RANBP2: variants seen among roughly 807,000 people sequenced by gnomAD.
RANBP2 encodes RAN binding protein 2.
In RANBP2, 57 loss-of-function variants were observed where a neutral mutation model predicts 303.6. That is an observed-to-expected ratio of 0.19 (90% confidence interval 0.15 to 0.23). The LOEUF (loss-of-function observed/expected upper bound fraction) is 0.23, where lower values mean the gene tolerates loss of function less well. RANBP2 is among the 10% of genes least tolerant of loss of function. The pLI, the probability that RANBP2 is intolerant of heterozygous loss-of-function variation, is 1.00. For synonymous variants in RANBP2, 1,167 were observed against 1,301.5 expected, an observed-to-expected ratio of 0.90 and a Z score of 2.23; for missense variants, 3,138 against 3,780.8, an observed-to-expected ratio of 0.83 and a Z score of 4.46.
At chr2:109,528,500 G>GCCAGTC in the RANBP2 span, among the ~76,000 whole-genome samples, 1 of 152,220 alleles carries the variant, frequency 6.6e-6, no homozygotes, top group Non-Finnish European at 1.5e-5. Context: ...GCCCGCCACA[G>GCCAGTC]CCAGTCCCAG....
chr2:109,479,366 A>G, the RANBP2 span, among the ~76,000 whole-genome samples: 4 of 152,166 alleles, frequency 2.6e-5, no homozygotes, highest in Non-Finnish European at 5.9e-5. Flanking sequence ...TATTTAGAAA[A>G]TACAATTTGC....
the RANBP2 span, among the ~76,000 whole-genome samples, chr2:108,862,575 T>C: frequency 6.6e-6 from 1 of 152,254 alleles, no homozygotes; most frequent in South Asian, 2.1e-4. Context: ...ACAAAGCAAA[T>C]ATGTGAGGTA....
At chr2:108,924,679 G>A in the RANBP2 span, among the ~76,000 whole-genome samples, 65 of 152,214 alleles carry the variant, frequency 4.3e-4, no homozygotes, top group African/African-American at 1.5e-3. Flanking sequence ...GACCATAATT[G>A]CCTGCCCTCC....
chr2:109,090,590 A>G, the RANBP2 span, among the ~76,000 whole-genome samples: 2 of 152,122 alleles, frequency 1.3e-5, no homozygotes, highest in African/African-American at 2.4e-5. Flanking sequence ...AGGATCTAAC[A>G]GGCACGAAGG....
the RANBP2 span, among the ~76,000 whole-genome samples, chr2:109,642,565 C>T: frequency 0.72 from 108,394 of 151,516 alleles, 40,119 homozygotes; most frequent in Middle Eastern, 0.85. Flanking sequence ...CTGGCTAACA[C>T]GGTGAAACCC....
chr2:109,485,110 T>C, the RANBP2 span, among the ~76,000 whole-genome samples: 64 of 152,234 alleles, frequency 4.2e-4, no homozygotes, highest in Non-Finnish European at 7.9e-4. Flanking sequence ...CTTTGCAAAT[T>C]GAGTCCCTTT....
the RANBP2 span, among the ~76,000 whole-genome samples, chr2:109,538,762 C>T: frequency 6.6e-6 from 1 of 152,158 alleles, no homozygotes; most frequent in Admixed American, 6.5e-5. Flanking sequence ...TGAAGTGAAC[C>T]ACCCCCTCAG....
chr2:108,859,854 T>C, the RANBP2 span, among the ~76,000 whole-genome samples: 1 of 152,164 alleles, frequency 6.6e-6, no homozygotes, highest in Non-Finnish European at 1.5e-5. Flanking sequence ...TGTTGGTAAT[T>C]TGATAGGAAT....
At chr2:109,400,189 C>G in the RANBP2 span, among the ~76,000 whole-genome samples, 1 of 152,136 alleles carries the variant, frequency 6.6e-6, no homozygotes, top group African/African-American at 2.4e-5. Context: ...CCACATCAGC[C>G]TAGAAATGCC....
At chr2:109,609,657 A>G in the RANBP2 span, among the ~76,000 whole-genome samples, 1 of 151,908 alleles carries the variant, frequency 6.6e-6, no homozygotes, top group Non-Finnish European at 1.5e-5. Context: ...ATTAAGAATC[A>G]CAACTTCAAG....
intron 2 of RANBP2, 120 bp downstream of exon 2, chr2:108,729,319 G>A: frequency 2.6e-6 from 3 of 1,169,028 alleles, no homozygotes; most frequent in Non-Finnish European, 3.5e-6. Flanking sequence ...CTGGAATAAG[G>A]GATTTATCAC....
the RANBP2 span, among the ~76,000 whole-genome samples, chr2:109,034,129 G>C: frequency 6.6e-6 from 1 of 151,408 alleles, no homozygotes; most frequent in Non-Finnish European, 1.5e-5. Context: ...AATTAGCCGG[G>C]TGTGGTGGCA....
the RANBP2 span, among the ~76,000 whole-genome samples, chr2:109,163,509 C>T: frequency 2.1e-5 from 3 of 145,086 alleles, no homozygotes; most frequent in East Asian, 6.2e-4. Flanking sequence ...CGCCATTCTC[C>T]TGCCTCAGCC....
chr2:108,753,841 C>G lies in RANBP2; in HGVS notation c.2072C>G (p.Ala691Gly). ...TTTGTATAGATTTTTCACAGGAAGG[C>G]AGAAGACATTGAAAATGATGCCCTT... ...WNLALIFHRK[A>G]EDIENDALSP... The change falls in exon 15 of 29, where the codon GCA becomes GGA. Residue 691 changes from alanine to glycine, a missense_variant. Coordinates refer to ENST00000283195, the MANE Select transcript of RANBP2 (RefSeq NM_006267.5). The G allele has an allele frequency of 1.2e-6, 2 of 1,611,906 alleles. No homozygotes were observed. Among genetic ancestry groups the G allele is most frequent in the South Asian group, 2.2e-5 (2 of 90,982 alleles).
At chr2:108,859,367 T>C in the RANBP2 span, among the ~76,000 whole-genome samples, 1 of 152,212 alleles carries the variant, frequency 6.6e-6, no homozygotes, top group East Asian at 1.9e-4. Flanking sequence ...ACTCTGTTGA[T>C]AGTTTCTTTT....
the RANBP2 span, among the ~76,000 whole-genome samples, chr2:109,641,301 T>C: frequency 1.3e-5 from 2 of 152,022 alleles, no homozygotes; most frequent in African/African-American, 4.8e-5. Flanking sequence ...AGCATGCCCA[T>C]TCATAGCAGC....
At chr2:109,083,028 A>G in the RANBP2 span, among the ~76,000 whole-genome samples, 1 of 151,714 alleles carries the variant, frequency 6.6e-6, no homozygotes, top group Non-Finnish European at 1.5e-5. Flanking sequence ...GGGTTTCGCT[A>G]TGTTAGCCAG....
At chr2:109,342,504 A>C in the RANBP2 span, among the ~76,000 whole-genome samples, 1 of 152,214 alleles carries the variant, frequency 6.6e-6, no homozygotes, top group Non-Finnish European at 1.5e-5. Context: ...AGCCGTGACA[A>C]GTGCTCTCCT....
chr2:109,741,691 G>T, the RANBP2 span, among the ~76,000 whole-genome samples: 1 of 125,268 alleles, frequency 8.0e-6, no homozygotes, highest in African/African-American at 3.1e-5. Context: ...CTGCACTCCA[G>T]CCTGGGCGAC....
Sources: gnomAD v4.1 joint callset for allele counts (sites outside exome capture counted in the v4.1 genomes callset) on GRCh38, gnomAD v4.1.1 for gene constraint, MANE v1.5 for transcripts, NCBI Gene and HGNC (gene_info 2026-07-23, HGNC 2026-07-21) for gene names.